JMY: variants seen among roughly 807,000 people sequenced by gnomAD.
JMY encodes the protein junction-mediating and -regulatory protein.
A neutral mutation model predicts 103.3 loss-of-function variants in JMY; 46 were observed. The observed-to-expected ratio is 0.45, with a 90% CI of 0.35 to 0.57. The LOEUF is 0.57. Ranked by LOEUF, JMY falls within the 20% of genes least tolerant of loss-of-function variation. The probability of loss-of-function intolerance (pLI) is 0.00; values close to 1 mark genes in which losing one functional copy is unlikely to be tolerated. For missense variants in JMY, 1,238 were observed against 1,255.2 expected (o/e 0.99, Z 0.21); for synonymous variants, 526 against 489.3 (o/e 1.07, Z -0.99).
Position 79,237,182 on chromosome 5 carries a change from T to C in JMY, c.532T>C (p.Ser178Pro), listed in dbSNP as rs1561284269. The C allele has an allele frequency of 6.5e-7, 1 of 1,549,714 alleles. No homozygotes were observed. The highest frequency in any genetic ancestry group is 2.0e-5 in the Admixed American group (1 of 50,978). The change falls in exon 1 of 11, where the codon TCC (serine) becomes CCC (proline). Residue 178 changes from serine (S) to proline (P), a missense_variant. Transcript: ENST00000396137. The stretch of plus-strand genomic sequence containing the variant: ...GCCGGCGCCCAGAGAGGCCCAGGTG[T>C]CCTCTGTACGGATAGTGAGCGCCTC... ...ARPAPREAQV[S>P]SVRIVSASGT...
At chr5:79,259,721 C>G (rs989358522) in intron 1 of JMY, among the ~76,000 whole-genome samples, 2 of 152,246 alleles carry the variant, frequency 1.3e-5, no homozygotes, top group Non-Finnish European at 2.9e-5. Flanking sequence ...TGTGACAGAC[C>G]TAGGGTTGGC....
At chr5:79,261,460 G>A (rs1745420002) in intron 1 of JMY, among the ~76,000 whole-genome samples, 1 of 152,134 alleles carries the variant, frequency 6.6e-6, no homozygotes, top group Non-Finnish European at 1.5e-5. Context: ...AGGAGGCTGA[G>A]ACAGGAAGAT....
chr5:79,266,448 C>T (rs1309683714), intron 1 of JMY, among the ~76,000 whole-genome samples: 2 of 151,952 alleles, frequency 1.3e-5, no homozygotes, highest in African/African-American at 2.4e-5. Flanking sequence ...AGGTCAGGGG[C>T]GTTTTGTATT....
chr5:79,253,286 T>A (rs1745142863), intron 1 of JMY, among the ~76,000 whole-genome samples: 1 of 152,042 alleles, frequency 6.6e-6, no homozygotes, highest in South Asian at 2.1e-4. Flanking sequence ...TTTTGATTGG[T>A]TCATCATTTA....
In JMY at chr5:79,290,281, T is replaced by C; in HGVS notation, c.1357+10T>C. ...GCTAAAGCTCAAAAAGGTAGGTTTC[T>C]CAGTAAATTTATCCTTTAGGTATTT... On this transcript the variant is annotated intron_variant, in intron 3 of 10. Transcript: ENST00000396137. 6.8e-7 allele frequency: 1 copy of C among 1,466,148 alleles called. No individual in the cohort carries two copies. Among genetic ancestry groups the C allele is most frequent in the Non-Finnish European group, 9.1e-7 (1 of 1,100,758 alleles). 90.8% of individuals were successfully genotyped at this position (1,466,148 alleles called of 1,614,324 possible).
At chr5:79,277,638 CAAAAACAAAAAAAAAAG>C (rs1745978768) in intron 1 of JMY, among the ~76,000 whole-genome samples, 2 of 143,976 alleles carry the variant, frequency 1.4e-5, no homozygotes, top group South Asian at 4.5e-4. Context: ...AACCCTGTCT[CAAAAACAAAAAAAAAAG>C]GAAAATAAAA....
intron 7 of JMY, among the ~76,000 whole-genome samples, chr5:79,310,515 C>T (rs1332761236): frequency 1.5e-4 from 23 of 152,102 alleles, no homozygotes; most frequent in Admixed American, 1.5e-3. Context: ...TGAAAGTTAG[C>T]TTAGATCAAA....
intron 2 of JMY, among the ~76,000 whole-genome samples, chr5:79,288,884 A>T (rs1026395696): frequency 5.9e-5 from 9 of 151,854 alleles, no homozygotes; most frequent in Non-Finnish European, 2.9e-5. Flanking sequence ...TTGCCCTTTG[A>T]TATAGTGAGT....
chr5:79,237,010 C>T lies in JMY; in HGVS notation c.360C>T (p.Arg120=). 6.7e-7 allele frequency: 1 copy of T among 1,484,206 alleles called. No homozygotes were observed. The highest frequency in any genetic ancestry group is 8.9e-7 in the Non-Finnish European group (1 of 1,117,966). 91.9% of individuals were successfully genotyped at this position (1,484,206 alleles called of 1,614,324 possible). Residue 120 remains arginine (R), a synonymous_variant, in exon 1 of 11, where the codon CGC becomes CGT. Transcript: ENST00000396137. The part of the protein sequence containing the change: ...WAEGGSPRST[R]SLLGDPRLRS... The stretch of plus-strand genomic sequence containing the variant: ...AGGGCGGCTCTCCTCGGAGCACTCG[C>T]AGCCTTCTGGGGGACCCGCGGCTGC...
chr5:79,326,770 G>A lies in JMY; in HGVS notation c.*5168G>A, dbSNP rs1016423405. 1.3e-5 allele frequency: 2 copies of A among 152,156 alleles called. No individual in the cohort carries two copies. The highest frequency in any genetic ancestry group is 4.8e-5 in the African/African-American group (2 of 41,446). 9.4% of individuals were successfully genotyped at this position (152,156 alleles called of 1,614,324 possible). ...ACTAGCTTTGTGCAATATTATAAAA[G>A]GTAGAAGCAAAACACTAGCACATTG... On this transcript the variant is annotated 3_prime_UTR_variant, in exon 11 of 11. Coordinates refer to ENST00000396137, the MANE Select transcript of JMY (RefSeq NM_152405.5).
chr5:79,249,754 T>A (rs556315157), intron 1 of JMY, among the ~76,000 whole-genome samples: 3 of 152,308 alleles, frequency 2.0e-5, no homozygotes, highest in Non-Finnish European at 4.4e-5. Context: ...TGTATTAAAT[T>A]TCATCGTATT....
chr5:79,291,368 A>G (rs1408018601), intron 4 of JMY, 69 bp downstream of exon 4: 1 of 1,389,304 alleles, frequency 7.2e-7, no homozygotes, highest in East Asian at 2.4e-5. Flanking sequence ...TTTGCACAAG[A>G]CATTTTTTTG....
Position 79,291,141 on chromosome 5 carries a change from C to T in JMY, c.1369C>T (p.Arg457Ter). 2 of 1,594,798 alleles carry T rather than the reference C, an allele frequency of 1.3e-6. No individual in the cohort carries two copies. The highest frequency in any genetic ancestry group is 1.7e-6 in the Non-Finnish European group (2 of 1,173,884). ...TAKAQKAVYD[R>*]MRADQKKFGK... ...AAAATTATTAATAGCTGTGTATGAT[C>T]GAATGCGAGCTGATCAGAAGAAATT... is the stretch of plus-strand genomic sequence containing the variant. Residue 457 changes from arginine to a stop codon, truncating the protein, a stop_gained, in exon 4 of 11, where the codon CGA (arginine) becomes TGA (stop). Transcript: ENST00000396137. LOFTEE classifies it high-confidence loss of function.
In JMY at chr5:79,324,452, G is replaced by C. The variant is rs921146810; in HGVS notation, c.*2850G>C. 3 of 152,162 alleles carry C rather than the reference G, an allele frequency of 2.0e-5. No individual in the cohort carries two copies. Among genetic ancestry groups the C allele is most frequent in the African/African-American group, 7.2e-5 (3 of 41,434 alleles). The allele number at this position is 152,162 out of a possible 1,614,324, so 9.4% of individuals were successfully genotyped here. On this transcript the variant is annotated 3_prime_UTR_variant, in exon 11 of 11. Coordinates refer to ENST00000396137, the MANE Select transcript of JMY (RefSeq NM_152405.5). ...AATTTAGAAGTTAATTTCCAATCTAGTCTCAACTGCAATGCATTTAAAATA... is the reference window on the plus strand; with the variant it reads ...AATTTAGAAGTTAATTTCCAATCTACTCTCAACTGCAATGCATTTAAAATA...
At position 79,314,300 on chromosome 5, in the gene JMY, T is replaced by C. The variant is rs886892703; in HGVS notation, c.2108T>C (p.Leu703Pro). 5 of 1,614,102 alleles carry C rather than the reference T, an allele frequency of 3.1e-6. No individual in the cohort carries two copies. Among genetic ancestry groups the C allele is most frequent in the Non-Finnish European group, 4.2e-6 (5 of 1,179,974 alleles). Reference protein sequence around the residue: ...QVILKSTRLRLAHARRKGAAS... With the variant: ...QVILKSTRLRPAHARRKGAAS... Reference sequence around the variant, plus strand: ...ATACTTAAATCAACCAGATTACGACTAGCTCATGCAAGAAGAAAAGGTGCA... The same window carrying C: ...ATACTTAAATCAACCAGATTACGACCAGCTCATGCAAGAAGAAAAGGTGCA... The change falls in exon 9 of 11, where the codon CTA (leucine) becomes CCA (proline). Residue 703 changes from leucine to proline, a missense_variant. Coordinates refer to ENST00000396137, the MANE Select transcript of JMY (RefSeq NM_152405.5).
chr5:79,240,455 C>T (rs1346819524), intron 1 of JMY, among the ~76,000 whole-genome samples: 2 of 151,976 alleles, frequency 1.3e-5, no homozygotes, highest in African/African-American at 2.4e-5. Context: ...TGATTACAGT[C>T]GCCGCTACCA....
chr5:79,299,857 T>A (rs1379823874), intron 4 of JMY, among the ~76,000 whole-genome samples: 1 of 152,124 alleles, frequency 6.6e-6, no homozygotes, highest in East Asian at 1.9e-4. Context: ...GGGAAAGCAT[T>A]TATATCCAGA....
chr5:79,314,542 A>G lies in JMY; in HGVS notation c.2350A>G (p.Ile784Val), dbSNP rs749205453. ...SGVTSELPPT[I>V]SLPLLNNNLE... ...TGTTACCTCTGAACTGCCTCCCACT[A>G]TATCTCTTCCACTTTTGAATAACAA... is the stretch of plus-strand genomic sequence containing the variant. The change falls in exon 9 of 11, where the codon ATA becomes GTA. Residue 784 changes from isoleucine to valine, a missense_variant. Ile to Val is a conservative substitution (Grantham distance 29). Coordinates refer to ENST00000396137, the MANE Select transcript of JMY (RefSeq NM_152405.5). 20 of 1,613,964 alleles carry G rather than the reference A, an allele frequency of 1.2e-5. 1 individual carries two copies. The South Asian group carries it at 1.5e-4, about 12-fold the overall frequency.
chr5:79,275,246 C>T (rs893260411), intron 1 of JMY, among the ~76,000 whole-genome samples: 5 of 151,530 alleles, frequency 3.3e-5, no homozygotes, highest in Non-Finnish European at 5.9e-5. Context: ...CTGCAAGCTC[C>T]GCCTCCCAGG....
Sources: gnomAD v4.1 joint callset for allele counts (sites outside exome capture counted in the v4.1 genomes callset) on GRCh38, gnomAD v4.1.1 for gene constraint, MANE v1.5 for transcripts, NCBI Gene and HGNC (gene_info 2026-07-23, HGNC 2026-07-21) for gene names.